The following DNM2 variants were observed in gnomAD, a reference collection of about 807,000 sequenced individuals.
DNM2 encodes dynamin-2.
Under a neutral mutation model 99.0 loss-of-function variants are expected in DNM2, and 15 were observed. That is an observed-to-expected ratio of 0.15 (90% CI 0.10 to 0.23). The LOEUF (loss-of-function observed/expected upper bound fraction) is 0.23. Among genes scored for constraint, DNM2 ranks in the 10% least tolerant of loss-of-function variants. The pLI, the probability that DNM2 is intolerant of heterozygous loss-of-function variation, is 1.00. For missense variants in DNM2, 742 were observed against 1,189.4 expected, an observed-to-expected ratio of 0.62 and a Z score of 5.53; for synonymous variants, 525 against 481.2, an observed-to-expected ratio of 1.09 and a Z score of -1.19.
chr19:10,783,249 T>A, intron 6 of DNM2, 129 bp downstream of exon 6: 5 of 1,411,960 alleles, frequency 3.5e-6, no homozygotes, highest in Non-Finnish European at 4.9e-6. Context: ...CAGTCCACAT[T>A]TAGCCTAGGA....
intron 18 of DNM2, among the ~76,000 whole-genome samples, 189 bp downstream of exon 18, chr19:10,825,410 C>T (rs2146189340): frequency 6.6e-6 from 1 of 152,294 alleles, no homozygotes; most frequent in South Asian, 2.1e-4. Flanking sequence ...GTGGCTCACA[C>T]CTGTAATCCC....
chr19:10,758,762 G>C (rs2070513767), intron 1 of DNM2, among the ~76,000 whole-genome samples: 1 of 151,886 alleles, frequency 6.6e-6, no homozygotes, highest in African/African-American at 2.4e-5. Flanking sequence ...GGCCAGGCTG[G>C]TCTCAAACTC....
chr19:10,806,799 T>A (rs1183794180), intron 13 of DNM2, among the ~76,000 whole-genome samples: 1 of 151,894 alleles, frequency 6.6e-6, no homozygotes, highest in African/African-American at 2.4e-5. Context: ...TCTCCAAAAA[T>A]AATAATAATA....
At chr19:10,784,871 T>C in intron 6 of DNM2, among the ~76,000 whole-genome samples, 1 of 130,890 alleles carries the variant, frequency 7.6e-6, no homozygotes, top group East Asian at 2.4e-4. Flanking sequence ...TTGCCCGGGC[T>C]GGAGTGCAGT....
intron 2 of DNM2, among the ~76,000 whole-genome samples, chr19:10,761,625 G>C (rs149714712): frequency 1.3e-5 from 2 of 152,256 alleles, no homozygotes; most frequent in Non-Finnish European, 2.9e-5. Context: ...TGGGAAGGCA[G>C]CTGACACACA....
At position 10,772,141 on chromosome 19, in the gene DNM2, G is replaced by A. The variant is rs987354334; in HGVS notation, c.236-338G>A. Among the ~76,000 whole-genome samples, 6 of 151,622 alleles carry A rather than the reference G, an allele frequency of 4.0e-5. No individual in the cohort carries two copies. Among genetic ancestry groups the A allele is most frequent in the Admixed American group, 6.6e-5 (1 of 15,170 alleles). ...GTCTCCCAGGCTAGAGTGCAGTGGC[G>A]CAATCTCGGCTCACTACAACCTCCG... On this transcript the variant is annotated intron_variant, in intron 2 of 20. Transcript: ENST00000389253. The surrounding 1 kb of genome is among the most constrained non-coding windows in gnomAD (Gnocchi z 4.9).
At chr19:10,774,781 T>TA (rs1320943294) in intron 3 of DNM2, among the ~76,000 whole-genome samples, 2 of 145,002 alleles carry the variant, frequency 1.4e-5, no homozygotes, top group Admixed American at 6.9e-5. Flanking sequence ...ATATATTTAT[T>TA]TTTTTTTTTT....
At chr19:10,781,502 G>C (rs1295835166) in intron 5 of DNM2, 2 of 152,284 alleles carry the variant, frequency 1.3e-5, no homozygotes, top group African/African-American at 4.8e-5. Context: ...GGGAGCACAG[G>C]CCAGGCACTG....
chr19:10,756,329 G>A (rs1486172072), intron 1 of DNM2, among the ~76,000 whole-genome samples: 3 of 149,140 alleles, frequency 2.0e-5, no homozygotes, highest in East Asian at 2.0e-4. Flanking sequence ...TGTCTTCCTC[G>A]CACCCACCCC....
chr19:10,803,337 TGAG>T (rs1482230308), intron 12 of DNM2, among the ~76,000 whole-genome samples: 1 of 151,722 alleles, frequency 6.6e-6, no homozygotes, highest in Non-Finnish European at 1.5e-5. Flanking sequence ...ACCAGGTAGG[TGAG>T]GAGAAGGGAG....
chr19:10,799,340 C>T (rs1189356100), intron 11 of DNM2, among the ~76,000 whole-genome samples: 1 of 152,136 alleles, frequency 6.6e-6, no homozygotes, highest in African/African-American at 2.4e-5. Context: ...ACTCTTGACT[C>T]CCTTCCTGCC....
Position 10,764,092 on chromosome 19 carries a change from G to A in DNM2, c.235+4281G>A, listed in dbSNP as rs538864762. Among the ~76,000 whole-genome samples, 72 of 152,294 alleles carry A rather than the reference G, an allele frequency of 4.7e-4. 1 individual carries two copies. Among genetic ancestry groups the A allele is most frequent in the Middle Eastern group, 3.4e-3 (1 of 294 alleles). On this transcript the variant is annotated intron_variant, in intron 2 of 20. Transcript: ENST00000389253. This position sits in a 1 kb window ranked among gnomAD's most constrained non-coding sequence, Gnocchi z 4.1. ...GGCATCAGTGATTGCTGGGGCCGGCGGGGCCTTGTGGGGTATACACCAGAC... is the reference window on the plus strand; with the variant it reads ...GGCATCAGTGATTGCTGGGGCCGGCAGGGCCTTGTGGGGTATACACCAGAC...
At chr19:10,829,405 C>A in intron 19 of DNM2, 137 bp downstream of exon 19, 1 of 1,142,870 alleles carries the variant, frequency 8.7e-7, no homozygotes, top group Non-Finnish European at 1.3e-6. Context: ...GTGGGAGCTG[C>A]TGCCCTGCTG....
intron 1 of DNM2, among the ~76,000 whole-genome samples, chr19:10,750,523 C>T (rs1050809663): frequency 2.0e-5 from 3 of 152,010 alleles, no homozygotes; most frequent in Non-Finnish European, 2.9e-5. Context: ...TACCTGTAGT[C>T]ATAGCTACTC....
chr19:10,747,694 C>T (rs925426647), intron 1 of DNM2, among the ~76,000 whole-genome samples: 4 of 152,274 alleles, frequency 2.6e-5, no homozygotes, highest in East Asian at 3.9e-4. Context: ...AGAGAAGGGG[C>T]CGATACGGGA....
At chr19:10,804,592 G>T (rs556262155) in intron 12 of DNM2, among the ~76,000 whole-genome samples, 1 of 152,260 alleles carries the variant, frequency 6.6e-6, no homozygotes, top group South Asian at 2.1e-4. Flanking sequence ...GGAGGCTGAG[G>T]TGGGAGAATG....
In DNM2 at chr19:10,792,101, C is replaced by CA. The variant is rs202056521; in HGVS notation, c.993-1611dup. 3.2e-4 allele frequency among the ~76,000 whole-genome samples: 49 copies of CA among 151,782 alleles called. 1 individual carries two copies. Among genetic ancestry groups the CA allele is most frequent in the African/African-American group, 1.1e-3 (45 of 41,400 alleles). On this transcript the variant is annotated intron_variant, in intron 7 of 20. Transcript: ENST00000389253. The stretch of plus-strand genomic sequence containing the variant: ...AGACTCCAGCTCAAAAAACAAAAAA[C>CA]AAAAAAAACAAATTCCCCATTCCAG...
chr19:10,720,087 C>T (rs371194728), intron 1 of DNM2, among the ~76,000 whole-genome samples: 46 of 39,146 alleles, frequency 1.2e-3, no homozygotes, highest in South Asian at 0.01. Flanking sequence ...GCTTCTGGGA[C>T]GGGGGTGGGG....
chr19:10,784,146 C>T (rs2145966361), intron 6 of DNM2, among the ~76,000 whole-genome samples: 1 of 152,256 alleles, frequency 6.6e-6, no homozygotes, highest in East Asian at 1.9e-4. Context: ...GCAGCAGGGC[C>T]TCAGCAGCAC....
Sources: allele counts gnomAD v4.1 joint callset (sites outside exome capture counted in the v4.1 genomes callset), GRCh38; gene constraint gnomAD v4.1.1; non-coding constraint Gnocchi (gnomAD v3.1); transcripts MANE v1.5; gene names NCBI Gene and HGNC (gene_info 2026-07-23, HGNC 2026-07-21).